The following PDE1C variants were observed in gnomAD, a reference collection of about 807,000 sequenced individuals.
PDE1C encodes the protein dual specificity calcium/calmodulin-dependent 3',5'-cyclic nucleotide phosphodiesterase 1C.
In PDE1C, 62 loss-of-function variants were observed where a neutral mutation model predicts 93.1. The observed-to-expected ratio is 0.67, with a 90% CI of 0.54 to 0.82. PDE1C has a LOEUF of 0.82. Ranked by LOEUF, PDE1C falls within the 40% of genes least tolerant of loss-of-function variation. The pLI is 0.00. For missense variants in PDE1C, 742 were observed against 884.6 expected, an observed-to-expected ratio of 0.84 and a Z score of 2.04; for synonymous variants, 325 against 310.1, an observed-to-expected ratio of 1.05 and a Z score of -0.50.
intron 2 of PDE1C, among the ~76,000 whole-genome samples, chr7:31,939,981 T>C (rs1008587596): frequency 1.3e-5 from 2 of 152,104 alleles, no homozygotes; most frequent in Non-Finnish European, 2.9e-5. Context: ...TCTGGGAAAC[T>C]AGGAAATCTC....
intron 3 of PDE1C, among the ~76,000 whole-genome samples, chr7:32,138,945 T>C (rs1800358566): frequency 6.6e-6 from 1 of 152,198 alleles, no homozygotes; most frequent in Admixed American, 6.5e-5. Flanking sequence ...TCTGCAATGA[T>C]GGAAATGTTT....
chr7:32,132,814 T>G (rs375090002), intron 3 of PDE1C, among the ~76,000 whole-genome samples: 1 of 152,014 alleles, frequency 6.6e-6, no homozygotes, highest in Admixed American at 6.6e-5. Context: ...TGGACTAGAG[T>G]GGAGAAAAGA....
chr7:31,880,829 CT>C lies in PDE1C; in HGVS notation c.159del (p.Glu55LysfsTer5). The stretch of plus-strand genomic sequence containing the variant: ...TTAAGATCTACCACTGAAGCTTCCC[CT>C]CTCTCTAATTGTTTGACCAAAGACC... ...RLRSLVKQLE[R>X]GEASVVDLKK... On this transcript the variant is annotated frameshift_variant, in exon 3 of 18. Transcript: ENST00000396191. LOFTEE classifies it high-confidence loss of function. 2.5e-6 allele frequency: 4 copies of C among 1,610,914 alleles called. No individual in the cohort carries two copies. The highest frequency in any genetic ancestry group is 3.4e-6 in the Non-Finnish European group (4 of 1,177,240).
At chr7:32,310,899 A>C (rs192889342) in intron 1 of PDE1C, among the ~76,000 whole-genome samples, 1 of 152,296 alleles carries the variant, frequency 6.6e-6, no homozygotes, top group African/African-American at 2.4e-5. Context: ...AAATAACTAA[A>C]ATTAGAGCAG....
At chr7:32,370,499 A>AAGC (rs201305509) in intron 1 of PDE1C, among the ~76,000 whole-genome samples, 2,120 of 151,812 alleles carry the variant, frequency 0.014, 50 homozygotes, top group African/African-American at 0.049. Flanking sequence ...GACATGGATG[A>AAGC]AGCTGGAAAC....
At chr7:31,970,914 G>T (rs574398273) in intron 2 of PDE1C, among the ~76,000 whole-genome samples, 1 of 152,224 alleles carries the variant, frequency 6.6e-6, no homozygotes, top group South Asian at 2.1e-4. Context: ...AAGCTGAGGT[G>T]GGAGGATCAC....
At chr7:31,643,037 C>T in the PDE1C span, 6 of 1,613,970 alleles carry the variant, frequency 3.7e-6, no homozygotes, top group Non-Finnish European at 5.1e-6. Context: ...GTCACCAGAC[C>T]CACAGCCACT....
intron 2 of PDE1C, among the ~76,000 whole-genome samples, chr7:31,897,091 G>A (rs75682505): frequency 0.031 from 4,749 of 152,258 alleles, 230 homozygotes; most frequent in African/African-American, 0.11. Flanking sequence ...AATTGTGTAC[G>A]TCATTTCCCT....
intron 3 of PDE1C, among the ~76,000 whole-genome samples, chr7:32,154,690 AC>A (rs1562529825): frequency 6.6e-6 from 1 of 152,126 alleles, no homozygotes; most frequent in African/African-American, 2.4e-5. Context: ...GCTTTGTCTG[AC>A]TCCAAGCTCT....
intron 2 of PDE1C, among the ~76,000 whole-genome samples, chr7:31,952,715 T>C (rs1203978279): frequency 6.6e-6 from 1 of 152,170 alleles, no homozygotes; most frequent in Non-Finnish European, 1.5e-5. Context: ...TACCTGCTTG[T>C]CACATTGCAA....
chr7:31,682,079 C>A, the PDE1C span, among the ~76,000 whole-genome samples: 2 of 152,164 alleles, frequency 1.3e-5, no homozygotes, highest in South Asian at 4.1e-4. Context: ...GTCTACTTGA[C>A]CTCCCTGGGC....
chr7:31,732,096 A>G, the PDE1C span, among the ~76,000 whole-genome samples: 2 of 152,236 alleles, frequency 1.3e-5, no homozygotes, highest in Non-Finnish European at 2.9e-5. Context: ...CGCACAGCCC[A>G]GATGCGAGGT....
chr7:32,229,242 G>A (rs1807514310), intron 1 of PDE1C, among the ~76,000 whole-genome samples: 1 of 152,182 alleles, frequency 6.6e-6, no homozygotes, highest in African/African-American at 2.4e-5. Context: ...TCTTTTACCA[G>A]GTGAGTAAAC....
chr7:32,207,261 C>T (rs983420347), intron 2 of PDE1C, among the ~76,000 whole-genome samples: 14 of 151,862 alleles, frequency 9.2e-5, no homozygotes, highest in African/African-American at 3.4e-4. Flanking sequence ...CAATCCCCGT[C>T]GTGCCTGATT....
intron 1 of PDE1C, among the ~76,000 whole-genome samples, chr7:32,223,971 C>T (rs748549817): frequency 7.9e-5 from 12 of 152,192 alleles, no homozygotes; most frequent in Non-Finnish European, 1.5e-4. Context: ...CACACACCTG[C>T]ACATCAGCTG....
At chr7:32,114,972 T>C (rs890416974) in intron 3 of PDE1C, among the ~76,000 whole-genome samples, 1 of 152,178 alleles carries the variant, frequency 6.6e-6, no homozygotes, top group African/African-American at 2.4e-5. Context: ...CAATAGATGC[T>C]GGCGAGGCTA....
intron 3 of PDE1C, among the ~76,000 whole-genome samples, chr7:32,119,152 T>C (rs1349106574): frequency 6.6e-6 from 1 of 152,086 alleles, no homozygotes; most frequent in East Asian, 1.9e-4. Flanking sequence ...TCCTTGGACA[T>C]CCTCTATTTA....
chr7:32,005,007 T>C (rs1421387194), intron 2 of PDE1C, among the ~76,000 whole-genome samples: 2 of 152,174 alleles, frequency 1.3e-5, no homozygotes, highest in Non-Finnish European at 2.9e-5. Flanking sequence ...CTATGGAGGA[T>C]GAAATGGATA....
At chr7:32,283,675 A>T (rs1403583756) in intron 1 of PDE1C, among the ~76,000 whole-genome samples, 1 of 152,210 alleles carries the variant, frequency 6.6e-6, no homozygotes, top group African/African-American at 2.4e-5. Context: ...TACAGCTGCT[A>T]TGACAACAAG....
Sources: allele counts gnomAD v4.1 joint callset (sites outside exome capture counted in the v4.1 genomes callset), GRCh38; gene constraint gnomAD v4.1.1; transcripts MANE v1.5; gene names NCBI Gene and HGNC (gene_info 2026-07-23, HGNC 2026-07-21).